CEP104: variants seen among roughly 807,000 people sequenced by gnomAD.
CEP104 encodes centrosomal protein of 104 kDa.
In CEP104, 84 loss-of-function variants were observed where a neutral mutation model predicts 113.3. That is an observed-to-expected ratio of 0.74 (90% CI 0.62 to 0.89). The LOEUF (loss-of-function observed/expected upper bound fraction) is 0.89, where lower values mean the gene tolerates loss of function less well. Among genes scored for constraint, CEP104 ranks in the 40% least tolerant of loss-of-function variants. The probability of loss-of-function intolerance (pLI) is 0.00; values close to 1 mark genes in which losing one functional copy is unlikely to be tolerated. For synonymous variants in CEP104, 378 were observed against 421.7 expected (o/e 0.90, Z 1.27); for missense variants, 1,053 against 1,156.6 (o/e 0.91, Z 1.30).
intron 6 of CEP104, among the ~76,000 whole-genome samples, chr1:3,841,739 A>G (rs541894377): frequency 6.6e-6 from 1 of 152,346 alleles, no homozygotes; most frequent in East Asian, 1.9e-4. Flanking sequence ...GGCGTGGGGC[A>G]GGACAGGCAA....
In CEP104 at chr1:3,852,441, A is replaced by C; in HGVS notation, c.-14-20T>G. 1 of 1,592,290 alleles carries C rather than the reference A, an allele frequency of 6.3e-7. No homozygotes were observed. The highest frequency in any genetic ancestry group is 1.3e-5 in the African/African-American group (1 of 74,306). On this transcript the variant is annotated intron_variant, in intron 1 of 21. Coordinates refer to ENST00000378230, the MANE Select transcript of CEP104 (RefSeq NM_014704.4). ...TTTGGGCTGTTTATAAGAGCAGGAA[A>C]AACTTCTTTAAAACAAAGGAATTCA...
At chr1:3,835,628 C>A (rs948506236) in intron 10 of CEP104, among the ~76,000 whole-genome samples, 5 of 152,206 alleles carry the variant, frequency 3.3e-5, no homozygotes, top group African/African-American at 4.8e-5. Flanking sequence ...GCCTTGGCCT[C>A]CCAAAGTGCT....
intron 5 of CEP104, 42 bp from the exon 6 acceptor site, chr1:3,845,025 A>T: frequency 6.7e-7 from 1 of 1,489,708 alleles, no homozygotes; most frequent in Non-Finnish European, 9.4e-7. Context: ...AGAGAGAAAG[A>T]GGAACAACAC....
Position 3,844,955 on chromosome 1 carries a change from T to C in CEP104, c.518A>G (p.Tyr173Cys), listed in dbSNP as rs1314139733. 6.2e-7 allele frequency: 1 copy of C among 1,613,976 alleles called. No homozygotes were observed. The highest frequency in any genetic ancestry group is 8.5e-7 in the Non-Finnish European group (1 of 1,180,016). ...AGGGTCCTCGCTGTTGTGCCCAAGG[T>C]AGTGGTCAATCAACTTCTCTCGAGA... ...TASREKLIDH[Y>C]LGHNSEDPAL... Residue 173 changes from tyrosine to cysteine, a missense_variant, in exon 6 of 22, where the codon TAC becomes TGC. Coordinates refer to ENST00000378230, the MANE Select transcript of CEP104 (RefSeq NM_014704.4).
At chr1:3,836,023 C>T (rs778217727) in intron 10 of CEP104, among the ~76,000 whole-genome samples, 8 of 149,328 alleles carry the variant, frequency 5.4e-5, no homozygotes, top group South Asian at 2.1e-4. Context: ...AAAAAAAGGC[C>T]GGGCGCAGTG....
In CEP104 at chr1:3,834,978, G is replaced by A. The variant is rs942909507; in HGVS notation, c.1432C>T (p.Leu478=). Residue 478 remains leucine (L), a synonymous_variant, in exon 11 of 22, where the codon CTG becomes TTG. Coordinates refer to ENST00000378230, the MANE Select transcript of CEP104 (RefSeq NM_014704.4). ...GTPKEDLKNT[L]RASVFLVRRA... ...CTAACGAGAAAGACGGATGCTCTCA[G>A]TGTGTTCTTTAAATCTTCTTTTGGG... 3.7e-6 allele frequency: 6 copies of A among 1,612,174 alleles called. No individual in the cohort carries two copies. Among genetic ancestry groups the A allele is most frequent in the Middle Eastern group, 1.7e-4 (1 of 6,058 alleles).
chr1:3,841,381 G>A (rs963220538), intron 6 of CEP104, among the ~76,000 whole-genome samples: 4 of 152,140 alleles, frequency 2.6e-5, no homozygotes, highest in Admixed American at 2.0e-4. Context: ...GCTCTGAACT[G>A]TGTCTAATCC....
chr1:3,833,541 T>C (rs759130821), intron 12 of CEP104: 13 of 241,418 alleles, frequency 5.4e-5, no homozygotes, highest in Admixed American at 4.4e-4. Flanking sequence ...ATATTTCTAT[T>C]AAGACAGTTA....
At chr1:3,832,218 T>G (rs1350401327) in intron 12 of CEP104, among the ~76,000 whole-genome samples, 1 of 151,948 alleles carries the variant, frequency 6.6e-6, no homozygotes, top group African/African-American at 2.4e-5. Flanking sequence ...TAACCAGGAG[T>G]GTATTGTAGC....
At chr1:3,852,630 T>G (rs1193820178) in intron 1 of CEP104, among the ~76,000 whole-genome samples, 1 of 152,248 alleles carries the variant, frequency 6.6e-6, no homozygotes, top group Non-Finnish European at 1.5e-5. Context: ...TTAAGTTATC[T>G]TGACTTTTCC....
chr1:3,854,185 G>A (rs892094601), intron 1 of CEP104, among the ~76,000 whole-genome samples: 3 of 152,032 alleles, frequency 2.0e-5, no homozygotes, highest in African/African-American at 7.2e-5. Flanking sequence ...CCTTCCTTCT[G>A]ATCCCACTGT....
chr1:3,847,824 ATTC>A, intron 3 of CEP104: 2 of 552,608 alleles, frequency 3.6e-6, no homozygotes, highest in Non-Finnish European at 6.3e-6. Context: ...TCTAATTAGT[ATTC>A]TTCTTTTGTT....
chr1:3,836,921 A>AGC (rs1644325936), intron 9 of CEP104: 2 of 537,338 alleles, frequency 3.7e-6, no homozygotes, highest in Non-Finnish European at 6.5e-6. Flanking sequence ...AGACCTAATA[A>AGC]AAAAAAGCAA....
At chr1:3,830,981 G>A (rs902393071) in intron 13 of CEP104, 65 bp downstream of exon 13, 6 of 1,448,238 alleles carry the variant, frequency 4.1e-6, no homozygotes, top group Non-Finnish European at 5.6e-6. Context: ...TGAGACCCTC[G>A]CCACGCTCCA....
chr1:3,816,026 G>T, intron 21 of CEP104: 1 of 451,130 alleles, frequency 2.2e-6, no homozygotes, highest in East Asian at 3.8e-5. Context: ...CGGAGGACGG[G>T]AGTGTGAATC....
At chr1:3,815,923 C>G (rs1643873399) in intron 21 of CEP104, among the ~76,000 whole-genome samples, 1 of 152,176 alleles carries the variant, frequency 6.6e-6, no homozygotes, top group Admixed American at 6.5e-5. Context: ...ATCTGCCTGC[C>G]TTAGCCCCCA....
chr1:3,844,790 A>T, intron 6 of CEP104, 117 bp downstream of exon 6: 1 of 744,198 alleles, frequency 1.3e-6, no homozygotes, highest in South Asian at 1.7e-5. Context: ...TCAGTGGCTT[A>T]TCCAGCTCTA....
rs1539649 is a variant in CEP104 at position 3,839,556 on chromosome 1, A to G, written c.735+52T>C. The G allele has an allele frequency of 0.44, 656,704 of 1,506,436 alleles. 146,243 individuals are homozygous for G. Among genetic ancestry groups the G allele is most frequent in the Admixed American group, 0.5 (25,945 of 51,556 alleles). 93.3% of individuals were successfully genotyped at this position (1,506,436 alleles called of 1,614,324 possible). ...TACCATGTAGTTATTCTAAGTATAC[A>G]TAAAACCTATTACAGGCATAAATTA... On this transcript the variant is annotated intron_variant, in intron 7 of 21. Transcript: ENST00000378230.
chr1:3,849,163 G>T (rs931588434), intron 2 of CEP104, among the ~76,000 whole-genome samples: 1 of 151,986 alleles, frequency 6.6e-6, no homozygotes, highest in African/African-American at 2.4e-5. Flanking sequence ...GGGCCCCAAG[G>T]TATCAATATT....
Sources: gnomAD v4.1 joint callset for allele counts (sites outside exome capture counted in the v4.1 genomes callset) on GRCh38, gnomAD v4.1.1 for gene constraint, MANE v1.5 for transcripts, NCBI Gene and HGNC (gene_info 2026-07-23, HGNC 2026-07-21) for gene names.